The following SYNE1 variants were observed in gnomAD, a reference collection of about 807,000 sequenced individuals.
The protein encoded by SYNE1 is nesprin-1.
A neutral mutation model predicts 1,111.0 loss-of-function variants in SYNE1; 616 were observed. The observed-to-expected ratio is 0.55, with a 90% CI of 0.52 to 0.59. The LOEUF (loss-of-function observed/expected upper bound fraction) is 0.59, where lower values mean the gene tolerates loss of function less well. Among genes scored for constraint, SYNE1 ranks in the 20% least tolerant of loss-of-function variants. The probability of loss-of-function intolerance (pLI) is 0.00; values close to 1 mark genes in which losing one functional copy is unlikely to be tolerated. For synonymous variants in SYNE1, 3,855 were observed against 3,825.8 expected (o/e 1.01, Z -0.28); for missense variants, 10,006 against 10,417.0 (o/e 0.96, Z 1.72).
At chr6:152,240,734 C>G (rs896585491) in intron 107 of SYNE1, among the ~76,000 whole-genome samples, 3 of 152,112 alleles carry the variant, frequency 2.0e-5, no homozygotes, top group African/African-American at 4.8e-5. Flanking sequence ...GTTTTGTTTC[C>G]AGTTTTACAG....
chr6:152,321,896 C>T lies in SYNE1; in HGVS notation c.15918-10G>A. 2 of 1,614,006 alleles carry T rather than the reference C, an allele frequency of 1.2e-6. No homozygotes were observed. Among genetic ancestry groups the T allele is most frequent in the Non-Finnish European group, 1.7e-6 (2 of 1,179,954 alleles). ...CACTTTCTCCTGCATGCTTCAGAAACATTACAGGGATAAAACAGAAGTGAA... is the reference window on the plus strand; with the variant it reads ...CACTTTCTCCTGCATGCTTCAGAAATATTACAGGGATAAAACAGAAGTGAA... On this transcript the variant is annotated splice_polypyrimidine_tract_variant and intron_variant, in intron 82 of 145. Transcript: ENST00000367255.
intron 4 of SYNE1, among the ~76,000 whole-genome samples, chr6:152,537,463 G>T (rs1415256109): frequency 6.6e-6 from 1 of 151,420 alleles, no homozygotes; most frequent in Admixed American, 6.6e-5. Context: ...ATTAACAAAT[G>T]TAAAAAAGAA....
chr6:152,340,481 C>A (rs900876194), intron 74 of SYNE1, among the ~76,000 whole-genome samples: 5 of 152,292 alleles, frequency 3.3e-5, no homozygotes. Context: ...GCATCCTTCG[C>A]GTCTACCCAC....
intron 6 of SYNE1, among the ~76,000 whole-genome samples, chr6:152,519,636 CAG>C (rs1392897905): frequency 6.6e-6 from 1 of 152,022 alleles, no homozygotes; most frequent in African/African-American, 2.4e-5. Context: ...ATGAGGAAAA[CAG>C]AAAATCATTA....
intron 3 of SYNE1, among the ~76,000 whole-genome samples, chr6:152,603,315 A>G (rs1315594762): frequency 6.6e-6 from 1 of 152,128 alleles, no homozygotes; most frequent in Non-Finnish European, 1.5e-5. Context: ...CCTGATTTCC[A>G]CGCCATATTC....
intron 3 of SYNE1, among the ~76,000 whole-genome samples, chr6:152,602,381 A>G (rs936684913): frequency 2.6e-5 from 4 of 152,198 alleles, no homozygotes; most frequent in Non-Finnish European, 5.9e-5. Context: ...CCAGGGAGAG[A>G]GGCTTGGAAC....
chr6:152,425,559 A>C lies in SYNE1; in HGVS notation c.5101-12T>G. 6.2e-7 allele frequency: 1 copy of C among 1,614,126 alleles called. No homozygotes were observed. The highest frequency in any genetic ancestry group is 8.5e-7 in the Non-Finnish European group (1 of 1,179,998). Reference sequence around the variant, plus strand: ...TCATTTTGCAGTGCCTGAAAAATACAAGACATTACGGATCTCATCCTAACA... The same window carrying C: ...TCATTTTGCAGTGCCTGAAAAATACCAGACATTACGGATCTCATCCTAACA... On this transcript the variant is annotated splice_polypyrimidine_tract_variant and intron_variant, in intron 38 of 145. Coordinates refer to ENST00000367255, the MANE Select transcript of SYNE1 (RefSeq NM_182961.4).
chr6:152,234,608 G>T (rs2083569805), intron 111 of SYNE1, 60 bp downstream of exon 111: 3 of 1,606,026 alleles, frequency 1.9e-6, no homozygotes, highest in Admixed American at 3.3e-5. Context: ...TTTTCTACTG[G>T]TGTATGGGTC....
intron 6 of SYNE1, among the ~76,000 whole-genome samples, chr6:152,513,359 C>T (rs2623970): frequency 0.51 from 76,602 of 151,400 alleles, 20,685 homozygotes; most frequent in East Asian, 0.76. Context: ...TCAGATTTTT[C>T]TTTTTTAGAT....
At chr6:152,164,814 C>T (rs564035275) in intron 130 of SYNE1, among the ~76,000 whole-genome samples, 2 of 152,244 alleles carry the variant, frequency 1.3e-5, no homozygotes, top group African/African-American at 4.8e-5. Flanking sequence ...GACTATGAGT[C>T]TCGCCTTTTG....
intron 44 of SYNE1, 113 bp downstream of exon 44, chr6:152,408,955 C>CAA (rs369206657): frequency 0.016 from 13,910 of 869,384 alleles, 2 homozygotes; most frequent in African/African-American, 0.023. Flanking sequence ...ACTCTGTCTC[C>CAA]AAAAAAAAAA....
At position 152,122,676 on chromosome 6, in the gene SYNE1, C is replaced by A. The variant is rs1226539151; in HGVS notation, c.26154G>T (p.Arg8718Ser). The A allele has an allele frequency of 6.2e-7, 1 of 1,613,810 alleles. No homozygotes were observed. Among genetic ancestry groups the A allele is most frequent in the Non-Finnish European group, 8.5e-7 (1 of 1,179,886 alleles). ...PGPSVSSPHS[R>S]STKGGSDSSL... ...AGGAATCGGAGCCACCTTTTGTGGA[C>A]CTGAGAGAAGAATGGACATAAATTA... The change falls in exon 146 of 146, where the codon AGG becomes AGT. Residue 8718 changes from arginine to serine, a missense_variant and splice_region_variant. This residue lies in a region of SYNE1 where 761 missense variants were observed against 795.5 expected (regional missense o/e 0.96). Transcript: ENST00000367255.
chr6:152,560,176 AACCCC>A (rs1214767324), intron 3 of SYNE1, among the ~76,000 whole-genome samples: 2 of 152,102 alleles, frequency 1.3e-5, no homozygotes, highest in Non-Finnish European at 2.9e-5. Flanking sequence ...AACATGGTGA[AACCCC>A]ATCTCTATCA....
In SYNE1 at chr6:152,221,632, G is replaced by A. The variant is rs1453495149; in HGVS notation, c.21523-73C>T. 2.5e-6 allele frequency: 4 copies of A among 1,591,158 alleles called. No homozygotes were observed. The African/African-American group carries it at 5.4e-5, about 21-fold the overall frequency. The stretch of plus-strand genomic sequence containing the variant: ...TAATAAGCAAGTTTAAAAGGAATTT[G>A]TATATGTTTTCATAAATATGTACAT... On this transcript the variant is annotated intron_variant, in intron 117 of 145. Transcript: ENST00000367255.
rs1057321432 is a variant in SYNE1 at position 152,506,611 on chromosome 6, G to A, written c.582-1214C>T. 5.9e-5 allele frequency among the ~76,000 whole-genome samples: 9 copies of A among 151,436 alleles called. No individual in the cohort carries two copies. In the East Asian group the frequency reaches 7.8e-4, roughly 13 times the overall value. The stretch of plus-strand genomic sequence containing the variant: ...GGCTGGAGTGCAGTGGCACAGTCTC[G>A]GCTCACTGCAACCTCCACCCCCCAG... On this transcript the variant is annotated intron_variant, in intron 8 of 145. Coordinates refer to ENST00000367255, the MANE Select transcript of SYNE1 (RefSeq NM_182961.4).
chr6:152,353,397 A>G lies in SYNE1; in HGVS notation c.11119T>C (p.Leu3707=). ...IKFLEEEIQS[L]EESESSLSSY... ...CTGAGGGATGATTCTGATTCCTCCAAACTCTGAATCTCCTCCTCCAGGAAT... is the reference window on the plus strand; with the variant it reads ...CTGAGGGATGATTCTGATTCCTCCAGACTCTGAATCTCCTCCTCCAGGAAT... The change falls in exon 69 of 146, where the codon TTG becomes CTG. Residue 3707 remains leucine (L), a synonymous_variant. Transcript: ENST00000367255. 6.2e-7 allele frequency: 1 copy of G among 1,614,212 alleles called. No homozygotes were observed. Among genetic ancestry groups the G allele is most frequent in the Non-Finnish European group, 8.5e-7 (1 of 1,180,032 alleles).
intron 41 of SYNE1, among the ~76,000 whole-genome samples, chr6:152,415,342 GCAAA>G (rs957313153): frequency 2.7e-4 from 41 of 152,076 alleles, no homozygotes; most frequent in African/African-American, 8.9e-4. Flanking sequence ...ATACCTCTAA[GCAAA>G]CAGTTAAAAG....
chr6:152,507,455 A>T (rs1206606063), intron 8 of SYNE1, among the ~76,000 whole-genome samples: 1 of 152,168 alleles, frequency 6.6e-6, no homozygotes, highest in Non-Finnish European at 1.5e-5. Flanking sequence ...TTGAAAAAAT[A>T]TATGTAGGTA....
chr6:152,304,491 TG>T (rs2095312429), intron 91 of SYNE1, among the ~76,000 whole-genome samples: 1 of 152,144 alleles, frequency 6.6e-6, no homozygotes, highest in Non-Finnish European at 1.5e-5. Flanking sequence ...CGCGCCACCA[TG>T]CCCAGCTAAT....
Sources: gnomAD v4.1 joint callset for allele counts (sites outside exome capture counted in the v4.1 genomes callset) on GRCh38, gnomAD v4.1.1 for gene constraint, gnomAD v4.1.1 regional missense constraint, MANE v1.5 for transcripts, NCBI Gene and HGNC (gene_info 2026-07-23, HGNC 2026-07-21) for gene names.